ERO1A: variants seen among roughly 807,000 people sequenced by gnomAD.
The protein encoded by ERO1A is ERO1-like protein alpha.
ERO1A carries 49 observed loss-of-function variants against 76.9 expected under a neutral mutation model. The ratio of observed to expected loss-of-function variants is 0.64; its 90% CI spans 0.51 to 0.81. ERO1A has a LOEUF of 0.81. ERO1A is among the 30% of genes least tolerant of loss of function. The pLI is 0.00. For missense variants in ERO1A, 448 were observed against 542.1 expected (o/e 0.83, Z 1.72); for synonymous variants, 174 against 181.2 (o/e 0.96, Z 0.32).
Position 52,682,545 on chromosome 14 carries a change from G to A in ERO1A, c.235-137C>T, listed in dbSNP as rs1000433033. ...TATTTCTTCCACCTATCTGTTGCCA[G>A]TTTATAACAACTGCATAAATGTGAG... is the stretch of plus-strand genomic sequence containing the variant. On this transcript the variant is annotated intron_variant, in intron 2 of 15. Transcript: ENST00000395686. The A allele has an allele frequency of 4.8e-6, 3 of 623,076 alleles. No homozygotes were observed. The African/African-American group carries it at 5.5e-5, about 12-fold the overall frequency. The allele number at this position is 623,076 out of a possible 1,614,324, so 38.6% of individuals were successfully genotyped here.
Position 52,673,704 on chromosome 14 carries a change from CT to C in ERO1A, c.358-1834del, listed in dbSNP as rs1358273108. 3.9e-5 allele frequency among the ~76,000 whole-genome samples: 6 copies of C among 152,060 alleles called. No individual in the cohort carries two copies. In the East Asian group the frequency reaches 1.2e-3, roughly 29 times the overall value. On this transcript the variant is annotated intron_variant, in intron 4 of 15. Transcript: ENST00000395686. ...CATCTCAAAAATTTCACAATCATAA[CT>C]TAGTATATATATAAATCACATACTA...
At chr14:52,664,844 A>G (rs547545255) in intron 7 of ERO1A, among the ~76,000 whole-genome samples, 37 of 152,112 alleles carry the variant, frequency 2.4e-4, no homozygotes, top group African/African-American at 2.2e-4. Context: ...GGTGCCCACC[A>G]CTACGCCCGG....
intron 13 of ERO1A, among the ~76,000 whole-genome samples, chr14:52,650,771 C>A (rs549973720): frequency 6.6e-6 from 1 of 152,224 alleles, no homozygotes; most frequent in African/African-American, 2.4e-5. Context: ...GTGCTGTGCA[C>A]ATAATGAGTG....
intron 4 of ERO1A, among the ~76,000 whole-genome samples, chr14:52,675,360 G>T (rs2040748676): frequency 6.6e-6 from 1 of 151,680 alleles, no homozygotes; most frequent in Non-Finnish European, 1.5e-5. Flanking sequence ...TCCAGACTGT[G>T]GACAACAAGA....
rs973589293 is a variant in ERO1A, at chr14:52,643,440, A to T, written c.*130T>A. 5 of 558,610 alleles carry T rather than the reference A, an allele frequency of 9.0e-6. No homozygotes were observed. The highest frequency in any genetic ancestry group is 1.5e-5 in the Non-Finnish European group (5 of 326,468). 34.6% of individuals were successfully genotyped at this position (558,610 alleles called of 1,614,324 possible). ...AAATGTGTTTACTTAAAACAATATA[A>T]TTCTCCTTTACAAAAGCAACTTTAT... is the stretch of plus-strand genomic sequence containing the variant. On this transcript the variant is annotated 3_prime_UTR_variant, in exon 16 of 16. Transcript: ENST00000395686.
At chr14:52,656,547 CTAAAAA>C (rs1269871742) in intron 11 of ERO1A, among the ~76,000 whole-genome samples, 1 of 151,762 alleles carries the variant, frequency 6.6e-6, no homozygotes, top group African/African-American at 2.4e-5. Flanking sequence ...CCCGTCTCTA[CTAAAAA>C]TACAAAAAAT....
At chr14:52,687,973 A>C (rs6572856) in intron 1 of ERO1A, among the ~76,000 whole-genome samples, 144,146 of 152,180 alleles carry the variant, frequency 0.95, 68,342 homozygotes, top group East Asian at 1. Flanking sequence ...GTTGCTTGAG[A>C]ACAGGAATTT....
chr14:52,655,860 T>A (rs556007784), intron 11 of ERO1A, among the ~76,000 whole-genome samples: 27 of 152,186 alleles, frequency 1.8e-4, no homozygotes, highest in Non-Finnish European at 2.5e-4. Context: ...GCCTGCCCTT[T>A]CAGTGGCTTT....
intron 7 of ERO1A, among the ~76,000 whole-genome samples, chr14:52,666,169 A>C (rs1395631271): frequency 2.6e-5 from 4 of 152,202 alleles, no homozygotes; most frequent in Non-Finnish European, 5.9e-5. Context: ...ATACTCCCAT[A>C]AAGGTCTAAA....
intron 4 of ERO1A, among the ~76,000 whole-genome samples, chr14:52,675,253 C>G (rs1566643696): frequency 1.3e-5 from 2 of 151,956 alleles, no homozygotes; most frequent in African/African-American, 2.4e-5. Flanking sequence ...CATGGTGGCG[C>G]ATGCCTGTAA....
chr14:52,645,151 A>G (rs1341239331), intron 15 of ERO1A, among the ~76,000 whole-genome samples: 2 of 152,098 alleles, frequency 1.3e-5, no homozygotes, highest in Non-Finnish European at 2.9e-5. Flanking sequence ...ATGTACACCT[A>G]TGTTAAACAA....
At chr14:52,645,361 G>C (rs938095422) in intron 15 of ERO1A, among the ~76,000 whole-genome samples, 1 of 147,908 alleles carries the variant, frequency 6.8e-6, no homozygotes, top group East Asian at 2.0e-4. Flanking sequence ...GGAGTGCAGT[G>C]GTATGATCTC....
rs780730757 is a variant in ERO1A, at chr14:52,671,687, C to T, written c.451G>A (p.Ala151Thr). ...DESLSEETQK[A>T]VLQWTKHDDS... ...TCATGCTTGGTCCACTGAAGAACAG[C>T]CTTCTGTGTTTCCTCACTTCAAACA... is the stretch of plus-strand genomic sequence containing the variant. Residue 151 changes from alanine (A) to threonine (T), a missense_variant, in exon 6 of 16, where the codon GCT (alanine) becomes ACT (threonine). By Grantham distance (58) the Ala-to-Thr change is moderately conservative. This residue lies in a region of ERO1A where 302 missense variants were observed against 411.9 expected (regional missense o/e 0.73). Transcript: ENST00000395686. The T allele has an allele frequency of 6.2e-7, 1 of 1,605,896 alleles. No individual in the cohort carries two copies. The highest frequency in any genetic ancestry group is 8.5e-7 in the Non-Finnish European group (1 of 1,175,462).
intron 11 of ERO1A, among the ~76,000 whole-genome samples, chr14:52,656,847 G>T (rs556218696): frequency 6.6e-6 from 1 of 152,124 alleles, no homozygotes; most frequent in South Asian, 2.1e-4. Flanking sequence ...AATCACTTGA[G>T]CTCAGGAGTT....
chr14:52,688,906 A>G (rs2041265091), intron 1 of ERO1A, among the ~76,000 whole-genome samples: 1 of 152,246 alleles, frequency 6.6e-6, no homozygotes, highest in Admixed American at 6.5e-5. Flanking sequence ...TAGTCTTATT[A>G]TACATTACCA....
In ERO1A at chr14:52,641,104, T is replaced by G. The variant is rs2039455448; in HGVS notation, c.*2466A>C. The G allele has an allele frequency of 6.6e-6, 1 of 152,156 alleles. No homozygotes were observed. Among genetic ancestry groups the G allele is most frequent in the South Asian group, 2.1e-4 (1 of 4,826 alleles). 9.4% of individuals were successfully genotyped at this position (152,156 alleles called of 1,614,324 possible). On this transcript the variant is annotated 3_prime_UTR_variant, in exon 16 of 16. Transcript: ENST00000395686. Reference sequence around the variant, plus strand: ...GTAAGAAGTCAAGGGAATAAATCTTTAAAGTAGGGGTTGTCAAAAATGTCA... The same window carrying G: ...GTAAGAAGTCAAGGGAATAAATCTTGAAAGTAGGGGTTGTCAAAAATGTCA...
intron 1 of ERO1A, among the ~76,000 whole-genome samples, chr14:52,684,203 C>G (rs867250648): frequency 2.0e-5 from 3 of 151,716 alleles, no homozygotes; most frequent in South Asian, 4.2e-4. Context: ...CCCTCCAGGC[C>G]ATAGTTGACC....
chr14:52,664,317 G>C (rs1481240348), intron 7 of ERO1A: 3 of 152,068 alleles, frequency 2.0e-5, no homozygotes, highest in African/African-American at 7.2e-5. Context: ...ACATCAATTT[G>C]CCCTGTAGCT....
At chr14:52,664,802 C>T (rs531491842) in intron 7 of ERO1A, among the ~76,000 whole-genome samples, 7 of 152,176 alleles carry the variant, frequency 4.6e-5, no homozygotes, top group East Asian at 3.9e-4. Context: ...CGCCATTCTC[C>T]TGCCTCAGCC....
Sources: gnomAD v4.1 joint callset for allele counts (sites outside exome capture counted in the v4.1 genomes callset) on GRCh38, gnomAD v4.1.1 for gene constraint, gnomAD v4.1.1 regional missense constraint, MANE v1.5 for transcripts, NCBI Gene and HGNC (gene_info 2026-07-23, HGNC 2026-07-21) for gene names.